The following FERMT2 variants were observed in gnomAD, a reference collection of about 807,000 sequenced individuals.
FERMT2 encodes the protein fermitin family homolog 2.
A neutral mutation model predicts 82.7 loss-of-function variants in FERMT2; 15 were observed. That is an observed-to-expected ratio of 0.18 (90% CI 0.12 to 0.28). FERMT2 has a LOEUF of 0.28. FERMT2 is among the 10% of genes least tolerant of loss of function. The probability of loss-of-function intolerance (pLI) is 1.00; values close to 1 mark genes in which losing one functional copy is unlikely to be tolerated. For missense variants in FERMT2, 645 were observed against 809.4 expected (o/e 0.80, Z 2.46); for synonymous variants, 274 against 271.5 (o/e 1.01, Z -0.09).
At chr14:52,896,503 C>T (rs1025048548) in intron 3 of FERMT2, among the ~76,000 whole-genome samples, 2 of 152,136 alleles carry the variant, frequency 1.3e-5, no homozygotes, top group African/African-American at 4.8e-5. Context: ...AGCCAAACTA[C>T]CTAGATTCAA....
At chr14:52,939,225 T>C (rs938296065) in intron 2 of FERMT2, among the ~76,000 whole-genome samples, 2 of 132,830 alleles carry the variant, frequency 1.5e-5, no homozygotes, top group East Asian at 2.3e-4. Context: ...ATACAACAAA[T>C]AGCAGGGCAT....
chr14:52,897,999 C>CA (rs113303344), intron 3 of FERMT2, among the ~76,000 whole-genome samples: 8,606 of 132,992 alleles, frequency 0.065, 541 homozygotes, highest in African/African-American at 0.16. Flanking sequence ...AAAAAACAAC[C>CA]AAAAAAAAAA....
intron 3 of FERMT2, among the ~76,000 whole-genome samples, chr14:52,910,974 C>A (rs1439552785): frequency 1.3e-5 from 2 of 152,020 alleles, no homozygotes; most frequent in African/African-American, 2.4e-5. Flanking sequence ...ATCAACTAAT[C>A]CAAAATAATT....
intron 13 of FERMT2, 129 bp downstream of exon 13, chr14:52,860,212 G>C: frequency 1.5e-6 from 1 of 658,450 alleles, no homozygotes; most frequent in Middle Eastern, 3.9e-4. Context: ...AACAGTCTTT[G>C]AATTCTATTG....
intron 13 of FERMT2, 23 bp from the exon 14 acceptor site, chr14:52,859,737 G>T (rs375492748): frequency 1.4e-6 from 2 of 1,455,958 alleles, no homozygotes; most frequent in Admixed American, 2.0e-5. Context: ...AGAAAAGAAC[G>T]GTTAAAAACA....
intron 3 of FERMT2, among the ~76,000 whole-genome samples, chr14:52,911,370 G>C (rs1888300259): frequency 6.6e-6 from 1 of 152,008 alleles, no homozygotes; most frequent in Non-Finnish European, 1.5e-5. Context: ...GCAGGCTGTG[G>C]GCTGGGCACA....
chr14:52,944,532 C>T (rs1890237761), intron 2 of FERMT2, among the ~76,000 whole-genome samples: 1 of 152,180 alleles, frequency 6.6e-6, no homozygotes, highest in African/African-American at 2.4e-5. Context: ...AGCTCTAATC[C>T]TAGTGTTTAA....
rs17125866 is a variant in FERMT2 at position 52,896,289 on chromosome 14, A to G, written c.392-2862T>C. Among the ~76,000 whole-genome samples, 767 of 152,344 alleles carry G rather than the reference A, an allele frequency of 5.0e-3. 6 individuals are homozygous for G. Among genetic ancestry groups the G allele is most frequent in the East Asian group, 0.05 (261 of 5,188 alleles). On this transcript the variant is annotated intron_variant, in intron 3 of 14. Transcript: ENST00000341590. The stretch of plus-strand genomic sequence containing the variant: ...AACAGACAACACAATTCATATCACT[A>G]CAAAACTTGTAAAGCTGTAGATTGC...
At chr14:52,866,778 C>A (rs1324482990) in intron 10 of FERMT2, among the ~76,000 whole-genome samples, 1 of 152,188 alleles carries the variant, frequency 6.6e-6, no homozygotes, top group Non-Finnish European at 1.5e-5. Flanking sequence ...ATGAAAGCCA[C>A]CAGAAGTTAA....
rs762521614 is a variant in FERMT2, at chr14:52,950,412, C to G, written c.157G>C (p.Asp53His). Residue 53 changes from aspartate (D) to histidine (H), a missense_variant and splice_region_variant, in exon 2 of 15, where the codon GAT (aspartate) becomes CAT (histidine). Coordinates refer to ENST00000341590, the MANE Select transcript of FERMT2 (RefSeq NM_006832.3). ...TGGACGCGGCTGGGATGCTACTCACCGAGTTTCTCCACCAGCTTAAGCATC... is the reference window on the plus strand; with the variant it reads ...TGGACGCGGCTGGGATGCTACTCACGGAGTTTCTCCACCAGCTTAAGCATC... ...GVMLKLVEKL[D>H]VKKDWSDHAL... 2.5e-6 allele frequency: 4 copies of G among 1,612,782 alleles called. No individual in the cohort carries two copies. The highest frequency in any genetic ancestry group is 3.4e-6 in the Non-Finnish European group (4 of 1,179,462).
At chr14:52,868,167 A>T (rs1248203910) in intron 10 of FERMT2, among the ~76,000 whole-genome samples, 1 of 151,424 alleles carries the variant, frequency 6.6e-6, no homozygotes, top group Admixed American at 6.6e-5. Flanking sequence ...AGAAGTATTC[A>T]TCCTTCCCCT....
At chr14:52,874,882 C>A (rs1351849793) in intron 8 of FERMT2, among the ~76,000 whole-genome samples, 2 of 151,976 alleles carry the variant, frequency 1.3e-5, no homozygotes, top group Non-Finnish European at 2.9e-5. Flanking sequence ...ACAGTGAGAC[C>A]CCATCTCTTA....
chr14:52,880,815 T>A (rs890530346), intron 6 of FERMT2, among the ~76,000 whole-genome samples: 1 of 152,198 alleles, frequency 6.6e-6, no homozygotes, highest in Non-Finnish European at 1.5e-5. Context: ...TTTCATTATC[T>A]TAATAACAAC....
intron 3 of FERMT2, among the ~76,000 whole-genome samples, chr14:52,915,454 C>T (rs996331767): frequency 6.6e-6 from 1 of 151,518 alleles, no homozygotes; most frequent in Non-Finnish European, 1.5e-5. Flanking sequence ...AAGAAGAGAG[C>T]ATACAAAAAC....
chr14:52,881,877 A>G, intron 4 of FERMT2: 1 of 772,326 alleles, frequency 1.3e-6, no homozygotes, highest in Non-Finnish European at 1.9e-6. Context: ...AAAGGCCACA[A>G]CAGAGGACAG....
chr14:52,889,948 G>A (rs979983455), intron 4 of FERMT2, among the ~76,000 whole-genome samples: 1 of 152,052 alleles, frequency 6.6e-6, no homozygotes, highest in South Asian at 2.1e-4. Flanking sequence ...GGCCAACATG[G>A]TGAAACCCCA....
intron 2 of FERMT2, among the ~76,000 whole-genome samples, chr14:52,938,822 T>A (rs1187713036): frequency 6.6e-6 from 1 of 152,130 alleles, no homozygotes; most frequent in Admixed American, 6.5e-5. Context: ...CATCTTGGCC[T>A]CCCTAAGTGC....
chr14:52,882,151 T>C (rs920404940), intron 4 of FERMT2, among the ~76,000 whole-genome samples: 5 of 152,338 alleles, frequency 3.3e-5, no homozygotes, highest in African/African-American at 1.2e-4. Context: ...TGAATTCATA[T>C]AGATTAAGAA....
At chr14:52,880,999 T>C (rs1227995609) in intron 6 of FERMT2, 37 bp downstream of exon 6, 5 of 1,333,298 alleles carry the variant, frequency 3.8e-6, no homozygotes, top group Non-Finnish European at 5.3e-6. Flanking sequence ...AACAAATTAA[T>C]GGGGAAAAAA....
Sources: allele counts gnomAD v4.1 joint callset (sites outside exome capture counted in the v4.1 genomes callset), GRCh38; gene constraint gnomAD v4.1.1; transcripts MANE v1.5; gene names NCBI Gene and HGNC (gene_info 2026-07-23, HGNC 2026-07-21).